MAPKAP1: variants seen among roughly 807,000 people sequenced by gnomAD.
MAPKAP1 encodes the protein target of rapamycin complex 2 subunit MAPKAP1.
A neutral mutation model predicts 65.7 loss-of-function variants in MAPKAP1; 20 were observed. That is an observed-to-expected ratio of 0.30 (90% CI 0.21 to 0.44). MAPKAP1 has a LOEUF of 0.44. Ranked by LOEUF, MAPKAP1 falls within the 20% of genes least tolerant of loss-of-function variation. The pLI is 1.00. For missense variants in MAPKAP1, 423 were observed against 648.0 expected (o/e 0.65, Z 3.77); for synonymous variants, 222 against 244.3 (o/e 0.91, Z 0.85).
chr9:125,599,465 C>T, intron 4 of MAPKAP1, among the ~76,000 whole-genome samples: 1 of 152,280 alleles, frequency 6.6e-6, no homozygotes, highest in East Asian at 1.9e-4. Context: ...TTTCATATAC[C>T]TAGTATCTCA....
intron 1 of MAPKAP1, among the ~76,000 whole-genome samples, chr9:125,698,285 ATAAATATATATAT>A (rs1835457443): frequency 7.8e-5 from 2 of 25,806 alleles, no homozygotes; most frequent in Non-Finnish European, 1.2e-4. Context: ...CATAATATAT[ATAAATATATATAT>A]ATATATATAT....
At chr9:125,665,332 G>T (rs911303820) in intron 3 of MAPKAP1, among the ~76,000 whole-genome samples, 2 of 151,952 alleles carry the variant, frequency 1.3e-5, no homozygotes, top group African/African-American at 4.8e-5. Flanking sequence ...AAACAAAAAA[G>T]AAATAAATAA....
chr9:125,508,501 G>A (rs1311607161), intron 7 of MAPKAP1, among the ~76,000 whole-genome samples: 1 of 152,172 alleles, frequency 6.6e-6, no homozygotes, highest in Admixed American at 6.5e-5. Flanking sequence ...AGAAGCAACT[G>A]ACATCCACTT....
chr9:125,606,927 T>A (rs922900830), intron 4 of MAPKAP1, among the ~76,000 whole-genome samples: 1 of 152,024 alleles, frequency 6.6e-6, no homozygotes, highest in Non-Finnish European at 1.5e-5. Context: ...GGAAAGCAAA[T>A]AAATGCGCTT....
rs1852378584 is a variant in MAPKAP1 at position 125,438,829 on chromosome 9, A to T, written c.*58T>A. The T allele has an allele frequency of 1.9e-6, 3 of 1,609,958 alleles. No homozygotes were observed. The African/African-American group carries it at 4.0e-5, about 22-fold the overall frequency. On this transcript the variant is annotated 3_prime_UTR_variant, in exon 12 of 12. Coordinates refer to ENST00000265960, the MANE Select transcript of MAPKAP1 (RefSeq NM_001006617.3). ...CAGGACACCGGGTGGACTCTAGGGC[A>T]CTTGGCCCTGGCAGGCAGGCTCTGA...
At chr9:125,609,575 G>A (rs968480890) in intron 4 of MAPKAP1, among the ~76,000 whole-genome samples, 5 of 152,072 alleles carry the variant, frequency 3.3e-5, no homozygotes, top group African/African-American at 4.8e-5. Context: ...TTGAACTCCC[G>A]AGCTCAAGTG....
At chr9:125,454,160 C>T (rs1853070023) in intron 10 of MAPKAP1, among the ~76,000 whole-genome samples, 1 of 152,234 alleles carries the variant, frequency 6.6e-6, no homozygotes, top group Admixed American at 6.5e-5. Flanking sequence ...CCATGTACTT[C>T]AGGAAATAAA....
In MAPKAP1 at chr9:125,641,369, G is replaced by A. The variant is rs542443891; in HGVS notation, c.498+16282C>T. ...AAGATGTCAAGTATGAGTACTGTATGGTTTTTACATTTTTTTTCAGCACTC... is the reference window on the plus strand; with the variant it reads ...AAGATGTCAAGTATGAGTACTGTATAGTTTTTACATTTTTTTTCAGCACTC... On this transcript the variant is annotated intron_variant, in intron 4 of 11. Coordinates refer to ENST00000265960, the MANE Select transcript of MAPKAP1 (RefSeq NM_001006617.3). 3.9e-5 allele frequency among the ~76,000 whole-genome samples: 6 copies of A among 152,150 alleles called. No homozygotes were observed. In the East Asian group the frequency reaches 9.6e-4, roughly 24 times the overall value.
intron 7 of MAPKAP1, among the ~76,000 whole-genome samples, chr9:125,507,233 G>A (rs923199237): frequency 2.0e-5 from 3 of 152,188 alleles, no homozygotes; most frequent in Non-Finnish European, 2.9e-5. Flanking sequence ...CAACCCAAAT[G>A]ACAATCTTGT....
intron 8 of MAPKAP1, among the ~76,000 whole-genome samples, chr9:125,502,044 T>C (rs1828997300): frequency 6.6e-6 from 1 of 152,138 alleles, no homozygotes. Context: ...CAGGTTTTTC[T>C]ATTTTTCAAT....
intron 1 of MAPKAP1, among the ~76,000 whole-genome samples, chr9:125,700,787 T>C (rs1392720306): frequency 1.3e-5 from 2 of 152,232 alleles, no homozygotes; most frequent in Non-Finnish European, 1.5e-5. Flanking sequence ...ACAAGACCAG[T>C]ATTTCTTCAA....
At chr9:125,504,210 T>C (rs945040398) in intron 8 of MAPKAP1, among the ~76,000 whole-genome samples, 3 of 152,204 alleles carry the variant, frequency 2.0e-5, no homozygotes, top group Non-Finnish European at 4.4e-5. Flanking sequence ...TTATTTTATA[T>C]GTGGCTCTAA....
At chr9:125,459,526 T>C (rs866896921) in intron 10 of MAPKAP1, among the ~76,000 whole-genome samples, 1,691 of 152,026 alleles carry the variant, frequency 0.011, 33 homozygotes, top group African/African-American at 0.038. Flanking sequence ...CTGGGCACCA[T>C]TGAGCACTGA....
At chr9:125,467,567 G>A (rs1236230405) in intron 10 of MAPKAP1, among the ~76,000 whole-genome samples, 5 of 152,170 alleles carry the variant, frequency 3.3e-5, no homozygotes, top group African/African-American at 9.7e-5. Flanking sequence ...GAAATCCCCA[G>A]CTTCCCTCCA....
At position 125,476,315 on chromosome 9, in the gene MAPKAP1, G is replaced by C. The variant is rs185605028; in HGVS notation, c.1207+8128C>G. Among the ~76,000 whole-genome samples, 685 of 152,280 alleles carry C rather than the reference G, an allele frequency of 4.5e-3. 4 individuals are homozygous for C. The highest frequency in any genetic ancestry group is 0.015 in the African/African-American group (642 of 41,552). Reference sequence around the variant, plus strand: ...TGGTTCAGGAAATGCTGTCACAATAGGGACTGAACAATCATTTAATATCAG... The same window carrying C: ...TGGTTCAGGAAATGCTGTCACAATACGGACTGAACAATCATTTAATATCAG... On this transcript the variant is annotated intron_variant, in intron 9 of 11. Coordinates refer to ENST00000265960, the MANE Select transcript of MAPKAP1 (RefSeq NM_001006617.3).
At chr9:125,538,037 T>C (rs1282470307) in intron 7 of MAPKAP1, among the ~76,000 whole-genome samples, 2 of 152,216 alleles carry the variant, frequency 1.3e-5, no homozygotes. Context: ...TCCATTTCTT[T>C]CAAGTTCTTT....
chr9:125,474,151 C>G (rs1266470348), intron 9 of MAPKAP1, among the ~76,000 whole-genome samples: 1 of 152,144 alleles, frequency 6.6e-6, no homozygotes, highest in Non-Finnish European at 1.5e-5. Flanking sequence ...AAAGGACCTG[C>G]CTGGCTCTGG....
At chr9:125,705,178 C>G (rs1363779815) in intron 1 of MAPKAP1, among the ~76,000 whole-genome samples, 2 of 152,082 alleles carry the variant, frequency 1.3e-5, no homozygotes. Flanking sequence ...TCAATATGTA[C>G]TTGCATAAAA....
intron 4 of MAPKAP1, among the ~76,000 whole-genome samples, chr9:125,653,492 G>A (rs1033267428): frequency 6.6e-6 from 1 of 152,208 alleles, no homozygotes; most frequent in African/African-American, 2.4e-5. Flanking sequence ...CCTCCAGGCA[G>A]AGGGAGAACA....
Sources: allele counts gnomAD v4.1 joint callset (sites outside exome capture counted in the v4.1 genomes callset), GRCh38; gene constraint gnomAD v4.1.1; transcripts MANE v1.5; gene names NCBI Gene and HGNC (gene_info 2026-07-23, HGNC 2026-07-21).